FHIT: variants seen among roughly 807,000 people sequenced by gnomAD.
FHIT encodes fragile histidine triad diadenosine triphosphatase, also known as bis(5'-adenosyl)-triphosphatase.
A neutral mutation model predicts 17.9 loss-of-function variants in FHIT; 19 were observed. The observed-to-expected ratio is 1.06, with a 90% CI of 0.74 to 1.56. The LOEUF (loss-of-function observed/expected upper bound fraction) is 1.56, where lower values mean the gene tolerates loss of function less well. Ranked by LOEUF, FHIT falls within the 40% of genes most tolerant of loss-of-function variation. FHIT has a pLI of 0.00. For missense variants in FHIT, 248 were observed against 189.2 expected, an observed-to-expected ratio of 1.31 and a Z score of -1.82; for synonymous variants, 81 against 69.7, an observed-to-expected ratio of 1.16 and a Z score of -0.81.
chr3:61,032,301 G>C (rs1276697126), intron 3 of FHIT, among the ~76,000 whole-genome samples: 1 of 152,184 alleles, frequency 6.6e-6, no homozygotes, highest in Non-Finnish European at 1.5e-5. Context: ...TCCAGAGCTA[G>C]GAGACCTCAA....
At chr3:60,033,895 T>G (rs1701103954) in intron 5 of FHIT, among the ~76,000 whole-genome samples, 1 of 152,146 alleles carries the variant, frequency 6.6e-6, no homozygotes, top group Non-Finnish European at 1.5e-5. Context: ...TTCTCAAAAG[T>G]CAAAACTAAG....
At chr3:59,962,690 T>C (rs560676202) in intron 7 of FHIT, among the ~76,000 whole-genome samples, 1 of 152,320 alleles carries the variant, frequency 6.6e-6, no homozygotes, top group East Asian at 1.9e-4. Flanking sequence ...TTTCTAACCT[T>C]GGAAGGAAAC....
chr3:60,043,673 C>A (rs2630159), intron 5 of FHIT, among the ~76,000 whole-genome samples: 2,167 of 123,678 alleles, frequency 0.018, 26 homozygotes, highest in Non-Finnish European at 0.025. Flanking sequence ...TATAGATAGA[C>A]AGATAGATAG....
At chr3:60,232,407 A>G (rs1704541690) in intron 5 of FHIT, among the ~76,000 whole-genome samples, 1 of 152,142 alleles carries the variant, frequency 6.6e-6, no homozygotes, top group Non-Finnish European at 1.5e-5. Flanking sequence ...CCCTTAACAT[A>G]TATCATTGAG....
chr3:59,930,229 C>T (rs1281008329), intron 7 of FHIT, among the ~76,000 whole-genome samples: 1 of 152,074 alleles, frequency 6.6e-6, no homozygotes, highest in East Asian at 1.9e-4. Context: ...TGAGAAAAGC[C>T]AGGTTTCCAG....
intron 5 of FHIT, among the ~76,000 whole-genome samples, chr3:60,283,578 C>T (rs4679523): frequency 0.26 from 38,844 of 151,860 alleles, 5,722 homozygotes; most frequent in East Asian, 0.7. Context: ...ACTAGGGATA[C>T]GGTCTGTAAG....
chr3:60,942,793 C>T (rs1021433407), intron 3 of FHIT, among the ~76,000 whole-genome samples: 2 of 151,922 alleles, frequency 1.3e-5, no homozygotes, highest in Non-Finnish European at 2.9e-5. Flanking sequence ...TCCTTAATTC[C>T]CTAACAATGT....
At chr3:60,508,835 A>T (rs1283672439) in intron 5 of FHIT, among the ~76,000 whole-genome samples, 1 of 152,158 alleles carries the variant, frequency 6.6e-6, no homozygotes, top group Non-Finnish European at 1.5e-5. Context: ...CTTCTCAAAA[A>T]GCCAATTATA....
At chr3:59,777,170 G>C (rs1702365859) in intron 8 of FHIT, among the ~76,000 whole-genome samples, 1 of 152,076 alleles carries the variant, frequency 6.6e-6, no homozygotes, top group South Asian at 2.1e-4. Flanking sequence ...GCCCACGCTT[G>C]ATTCTCAGCT....
intron 3 of FHIT, among the ~76,000 whole-genome samples, chr3:61,024,666 A>C (rs751784539): frequency 1.3e-5 from 2 of 152,208 alleles, no homozygotes; most frequent in Non-Finnish European, 2.9e-5. Context: ...CAGTTGAATA[A>C]ATACTGTAAC....
intron 5 of FHIT, among the ~76,000 whole-genome samples, chr3:60,079,028 G>A (rs920749201): frequency 1.3e-5 from 2 of 152,086 alleles, no homozygotes; most frequent in African/African-American, 4.8e-5. Context: ...TCTTCATTGA[G>A]GCTCGGCTCC....
At chr3:59,947,217 G>A (rs751127245) in intron 7 of FHIT, among the ~76,000 whole-genome samples, 8 of 152,226 alleles carry the variant, frequency 5.3e-5, no homozygotes, top group Non-Finnish European at 1.2e-4. Flanking sequence ...CAGGGTTTCC[G>A]TTTCTTCCCG....
chr3:60,046,471 T>G (rs749312857), intron 5 of FHIT, among the ~76,000 whole-genome samples: 7 of 152,224 alleles, frequency 4.6e-5, no homozygotes, highest in Non-Finnish European at 1.0e-4. Flanking sequence ...CAGCAGAAGT[T>G]TGCGCAGCAC....
At chr3:60,255,502 C>T (rs945206234) in intron 5 of FHIT, among the ~76,000 whole-genome samples, 50 of 152,130 alleles carry the variant, frequency 3.3e-4, no homozygotes, top group African/African-American at 1.1e-3. Context: ...AAGCACCACC[C>T]GGGGCGACAA....
chr3:60,573,730 A>G (rs1553656578), intron 4 of FHIT, among the ~76,000 whole-genome samples: 1 of 152,106 alleles, frequency 6.6e-6, no homozygotes, highest in Non-Finnish European at 1.5e-5. Context: ...TTGGATTCTG[A>G]CATTTCTTCC....
At chr3:60,166,762 T>C (rs1375776398) in intron 5 of FHIT, among the ~76,000 whole-genome samples, 1 of 152,154 alleles carries the variant, frequency 6.6e-6, no homozygotes, top group Non-Finnish European at 1.5e-5. Context: ...TATTTTTGTT[T>C]TCTCTTTCCC....
rs72879875 is a variant in FHIT, at chr3:61,204,544, C to T, written c.-212-3879G>A. ...AGGGAGAAAGAAGCAAAGGAAAACACGCTGAATAGAATATAAAAAAGAAAA... is the reference window on the plus strand; with the variant it reads ...AGGGAGAAAGAAGCAAAGGAAAACATGCTGAATAGAATATAAAAAAGAAAA... On this transcript the variant is annotated intron_variant, in intron 1 of 9. Coordinates refer to ENST00000492590, the MANE Select transcript of FHIT (RefSeq NM_002012.4). Among the ~76,000 whole-genome samples the T allele has an allele frequency of 6.1e-3, 922 of 152,196 alleles. 10 individuals carry two copies. Among genetic ancestry groups the T allele is most frequent in the African/African-American group, 0.02 (823 of 41,512 alleles).
At chr3:60,177,385 A>G (rs1388349283) in intron 5 of FHIT, among the ~76,000 whole-genome samples, 2 of 152,186 alleles carry the variant, frequency 1.3e-5, no homozygotes, top group Non-Finnish European at 2.9e-5. Context: ...TATGAAAAAA[A>G]CTAAAGGCAT....
intron 8 of FHIT, among the ~76,000 whole-genome samples, chr3:59,895,259 T>C (rs1238320788): frequency 6.6e-6 from 1 of 152,226 alleles, no homozygotes; most frequent in Non-Finnish European, 1.5e-5. Context: ...TTGCTAAATG[T>C]TTTCCTCACT....
Sources: allele counts gnomAD v4.1 joint callset (sites outside exome capture counted in the v4.1 genomes callset), GRCh38; gene constraint gnomAD v4.1.1; transcripts MANE v1.5; gene names NCBI Gene and HGNC (gene_info 2026-07-23, HGNC 2026-07-21).